The following SLC9A3 variants were observed in gnomAD, a reference collection of about 807,000 sequenced individuals.
SLC9A3 encodes the protein sodium/hydrogen exchanger 3.
SLC9A3 carries 37 observed loss-of-function variants against 86.8 expected under a neutral mutation model. The observed-to-expected ratio is 0.43, with a 90% confidence interval of 0.33 to 0.56. SLC9A3 has a LOEUF of 0.56. Ranked by LOEUF, SLC9A3 falls within the 20% of genes least tolerant of loss-of-function variation. The pLI, the probability that SLC9A3 is intolerant of heterozygous loss-of-function variation, is 0.06. For synonymous variants in SLC9A3, 581 were observed against 528.3 expected, an observed-to-expected ratio of 1.10 and a Z score of -1.37; for missense variants, 1,011 against 1,171.9, an observed-to-expected ratio of 0.86 and a Z score of 2.00.
chr5:518,998 G>T (rs1279800464), intron 1 of SLC9A3, among the ~76,000 whole-genome samples: 1 of 152,128 alleles, frequency 6.6e-6, no homozygotes, highest in African/African-American at 2.4e-5. Flanking sequence ...GGATTCTCCC[G>T]GGCGACACCT....
chr5:518,079 G>A (rs186303694), intron 1 of SLC9A3, among the ~76,000 whole-genome samples: 26 of 152,342 alleles, frequency 1.7e-4, no homozygotes, highest in Admixed American at 1.6e-3. Flanking sequence ...GACTCTGCTG[G>A]GGACAGGCAC....
In SLC9A3 at chr5:471,937, C is replaced by T. The variant is rs1364506910; in HGVS notation, c.*1442G>A. 3 of 456,538 alleles carry T rather than the reference C, an allele frequency of 6.6e-6. No individual in the cohort carries two copies. Among genetic ancestry groups the T allele is most frequent in the East Asian group, 6.9e-5 (1 of 14,540 alleles). 28.3% of individuals were successfully genotyped at this position (456,538 alleles called of 1,614,324 possible). On this transcript the variant is annotated 3_prime_UTR_variant, in exon 17 of 17. Coordinates refer to ENST00000264938, the MANE Select transcript of SLC9A3 (RefSeq NM_004174.4). ...TCAACATAAAACTCTTTAAGAACTCCTCCTGACTGGTGACTGTCAACACTT... is the reference window on the plus strand; with the variant it reads ...TCAACATAAAACTCTTTAAGAACTCTTCCTGACTGGTGACTGTCAACACTT...
intron 1 of SLC9A3, among the ~76,000 whole-genome samples, chr5:507,071 T>C (rs1579815645): frequency 1.9e-5 from 2 of 104,318 alleles, no homozygotes; most frequent in East Asian, 5.3e-4. Flanking sequence ...AGTGATACTG[T>C]CTCAAAAAAT....
Position 472,796 on chromosome 5 carries a change from T to C in SLC9A3, c.*583A>G, listed in dbSNP as rs1560945355. 6.9e-6 allele frequency: 4 copies of C among 577,944 alleles called. No individual in the cohort carries two copies. Among genetic ancestry groups the C allele is most frequent in the Admixed American group, 2.2e-5 (1 of 45,612 alleles). 35.8% of individuals were successfully genotyped at this position (577,944 alleles called of 1,614,324 possible). On this transcript the variant is annotated 3_prime_UTR_variant, in exon 17 of 17. Coordinates refer to ENST00000264938, the MANE Select transcript of SLC9A3 (RefSeq NM_004174.4). ...TGAGTCCTGGCGCTCGGGAGGTCCC[T>C]GAGTCGGTCCCCGAGTCAGTCCCCG...
intron 9 of SLC9A3, 42 bp from the exon 10 acceptor site, chr5:480,007 GC>G: frequency 1.1e-5 from 17 of 1,592,924 alleles, no homozygotes; most frequent in Non-Finnish European, 1.3e-5. Context: ...GGTGACAGGC[GC>G]CCTAGAGCCC....
chr5:517,771 C>G (rs987010048), intron 1 of SLC9A3, among the ~76,000 whole-genome samples: 4 of 151,134 alleles, frequency 2.6e-5, no homozygotes, highest in Non-Finnish European at 4.4e-5. Flanking sequence ...ATCCACCCAT[C>G]CATCCACTCG....
chr5:490,193 C>A (rs541887598), intron 2 of SLC9A3, among the ~76,000 whole-genome samples: 2 of 152,252 alleles, frequency 1.3e-5, no homozygotes, highest in Non-Finnish European at 2.9e-5. Flanking sequence ...CAAGGCTGAG[C>A]GCAGGCCTCC....
At position 485,672 on chromosome 5, in the gene SLC9A3, G is replaced by A. The variant is rs116523454; in HGVS notation, c.676-441C>T. On this transcript the variant is annotated intron_variant, in intron 3 of 16. Coordinates refer to ENST00000264938, the MANE Select transcript of SLC9A3 (RefSeq NM_004174.4). ...TAAAATGCGGGGAAACCTTATCCAC[G>A]CCCTGGGCTCCACGCCCAGCAAAGT... Among the ~76,000 whole-genome samples, 1,403 of 152,336 alleles carry A rather than the reference G, an allele frequency of 9.2e-3. 26 individuals are homozygous for A. Among genetic ancestry groups the A allele is most frequent in the African/African-American group, 0.032 (1,326 of 41,566 alleles).
chr5:477,657 C>A (rs760153708), intron 10 of SLC9A3: 14 of 515,856 alleles, frequency 2.7e-5, no homozygotes, highest in Non-Finnish European at 4.1e-5. Flanking sequence ...GAGGCCACAG[C>A]CAGGCTGCTG....
intron 1 of SLC9A3, among the ~76,000 whole-genome samples, chr5:517,750 T>G (rs1455644303): frequency 6.8e-6 from 1 of 147,584 alleles, no homozygotes; most frequent in South Asian, 2.2e-4. Flanking sequence ...CATTCACCCA[T>G]CCATCCATCC....
At chr5:493,116 GAA>G (rs70955254) in intron 1 of SLC9A3, among the ~76,000 whole-genome samples, 2 of 145,772 alleles carry the variant, frequency 1.4e-5, no homozygotes, top group Non-Finnish European at 3.0e-5. Context: ...GTTGGACTCA[GAA>G]AAAAAAAAAA....
At chr5:476,750 G>T in intron 11 of SLC9A3, 78 bp from the exon 12 acceptor site, 1 of 1,548,894 alleles carries the variant, frequency 6.5e-7, no homozygotes, top group Non-Finnish European at 8.7e-7. Flanking sequence ...TTCCCACGGC[G>T]GGCATCTGGC....
At position 497,129 on chromosome 5, in the gene SLC9A3, C is replaced by T. The variant is rs1311350192; in HGVS notation, c.212-5058G>A. Among the ~76,000 whole-genome samples the T allele has an allele frequency of 1.3e-5, 2 of 152,170 alleles. No individual in the cohort carries two copies. Among genetic ancestry groups the T allele is most frequent in the African/African-American group, 4.8e-5 (2 of 41,438 alleles). ...GTTGCAACTCAGAAGGCCCTGCTAG[C>T]CTCAGAGAGACAGTCTTTCCACACA... On this transcript the variant is annotated intron_variant, in intron 1 of 16. Coordinates refer to ENST00000264938, the MANE Select transcript of SLC9A3 (RefSeq NM_004174.4). This position sits in a 1 kb window ranked among gnomAD's most constrained non-coding sequence, Gnocchi z 5.4.
intron 1 of SLC9A3, among the ~76,000 whole-genome samples, chr5:523,296 C>T (rs1733939497): frequency 6.6e-6 from 1 of 152,164 alleles, no homozygotes; most frequent in Admixed American, 6.5e-5. Context: ...TCCTCGGCCC[C>T]AGCATCGAAA....
At chr5:520,039 G>A (rs1024643242) in intron 1 of SLC9A3, among the ~76,000 whole-genome samples, 4 of 152,238 alleles carry the variant, frequency 2.6e-5, no homozygotes, top group South Asian at 4.1e-4. Flanking sequence ...GCTCCACTTC[G>A]AGAGCCTGCC....
At chr5:477,001 A>G (rs754605609) in intron 11 of SLC9A3, 3 of 507,582 alleles carry the variant, frequency 5.9e-6, no homozygotes, top group Non-Finnish European at 1.1e-5. Context: ...TCCTATGAGA[A>G]CTGGCTGTGA....
rs373185294 is a variant in SLC9A3, at chr5:476,320, C to A, written c.1949G>T (p.Arg650Leu). The A allele has an allele frequency of 1.9e-6, 3 of 1,613,850 alleles. No individual in the cohort carries two copies. Among genetic ancestry groups the A allele is most frequent in the East Asian group, 4.5e-5 (2 of 44,894 alleles). ...CCGCATGGTCCTGTGGAAGATTTCC[C>A]GGTCCTGTTTCTCGTCCTCCGTGGG... ...LTPTEDEKQD[R>L]EIFHRTMRKR... Residue 650 changes from arginine to leucine, a missense_variant, in exon 13 of 17, where the codon CGG becomes CTG. Transcript: ENST00000264938.
At chr5:487,654 T>G (rs1739533074) in intron 3 of SLC9A3, among the ~76,000 whole-genome samples, 1 of 152,226 alleles carries the variant, frequency 6.6e-6, no homozygotes. Context: ...TATGGGATTT[T>G]GTTGTTTGCT....
intron 1 of SLC9A3, among the ~76,000 whole-genome samples, chr5:520,986 G>A (rs1184698170): frequency 1.3e-5 from 2 of 152,214 alleles, no homozygotes; most frequent in African/African-American, 4.8e-5. Context: ...TGGTGCGGGT[G>A]GCTGCAGGCT....
Sources: gnomAD v4.1 joint callset for allele counts (sites outside exome capture counted in the v4.1 genomes callset) on GRCh38, gnomAD v4.1.1 for gene constraint, Gnocchi (gnomAD v3.1) non-coding constraint, MANE v1.5 for transcripts, NCBI Gene and HGNC (gene_info 2026-07-23, HGNC 2026-07-21) for gene names.